The following ZHX2 variants were observed in gnomAD, a reference collection of about 807,000 sequenced individuals.
ZHX2 encodes zinc fingers and homeoboxes 2, also known as zinc fingers and homeoboxes protein 2.
ZHX2 carries 6 observed loss-of-function variants against 21.9 expected under a neutral mutation model. That is an observed-to-expected ratio of 0.27 (90% CI 0.15 to 0.54). ZHX2 has a LOEUF of 0.54. Among genes scored for constraint, ZHX2 ranks in the 20% least tolerant of loss-of-function variants. The pLI is 0.95. For synonymous variants in ZHX2, 434 were observed against 437.1 expected, an observed-to-expected ratio of 0.99 and a Z score of 0.09; for missense variants, 908 against 1,090.7, an observed-to-expected ratio of 0.83 and a Z score of 2.36.
At chr8:122,933,352 A>G (rs1369173153) in intron 2 of ZHX2, among the ~76,000 whole-genome samples, 1 of 152,244 alleles carries the variant, frequency 6.6e-6, no homozygotes, top group Non-Finnish European at 1.5e-5. Context: ...GAGCAGGCTT[A>G]TCTTAAACAT....
rs553723433 is a variant in ZHX2, at chr8:122,938,424, T to C, written c.-219-12868T>C. On this transcript the variant is annotated intron_variant, in intron 2 of 3. Coordinates refer to ENST00000314393, the MANE Select transcript of ZHX2 (RefSeq NM_014943.5). ...GCTAGGAATGTTGGTTTGGTAGATA[T>C]CTGCAAGGACGAGCTCAGATCTTTG... Among the ~76,000 whole-genome samples the C allele has an allele frequency of 2.0e-5, 3 of 152,144 alleles. No individual in the cohort carries two copies. The East Asian group carries it at 5.8e-4, about 30-fold the overall frequency.
intron 2 of ZHX2, among the ~76,000 whole-genome samples, chr8:122,921,081 GT>G (rs2130080852): frequency 6.6e-6 from 1 of 151,822 alleles, no homozygotes; most frequent in South Asian, 2.1e-4. Context: ...TTTTGTTTTT[GT>G]TTTTGTTTTT....
intron 2 of ZHX2, among the ~76,000 whole-genome samples, chr8:122,913,751 G>T (rs764515071): frequency 2.0e-5 from 3 of 152,230 alleles, no homozygotes; most frequent in Non-Finnish European, 2.9e-5. Context: ...CTTGACCACA[G>T]AGCACATGTT....
intron 2 of ZHX2, among the ~76,000 whole-genome samples, chr8:122,942,217 C>T (rs1313890396): frequency 6.6e-6 from 1 of 151,966 alleles, no homozygotes; most frequent in Admixed American, 6.6e-5. Flanking sequence ...AATGCCTTCT[C>T]GGGGGGTGTC....
intron 2 of ZHX2, among the ~76,000 whole-genome samples, chr8:122,890,058 C>T (rs1354772456): frequency 6.6e-6 from 1 of 152,072 alleles, no homozygotes; most frequent in Non-Finnish European, 1.5e-5. Flanking sequence ...AACATTTCTC[C>T]TCTGATTTTT....
At chr8:122,789,476 G>C (rs1007812371) in intron 1 of ZHX2, among the ~76,000 whole-genome samples, 6 of 152,220 alleles carry the variant, frequency 3.9e-5, no homozygotes, top group African/African-American at 1.2e-4. Context: ...ATGGCACCCT[G>C]TCTTTTTGAA....
chr8:122,906,625 G>C (rs1002378014), intron 2 of ZHX2, among the ~76,000 whole-genome samples: 3 of 151,626 alleles, frequency 2.0e-5, no homozygotes, highest in Non-Finnish European at 2.9e-5. Flanking sequence ...GCAGAGATGG[G>C]AGATACTTTT....
intron 2 of ZHX2, among the ~76,000 whole-genome samples, chr8:122,897,714 G>A (rs1485130043): frequency 1.3e-5 from 2 of 152,028 alleles, no homozygotes; most frequent in Admixed American, 6.5e-5. Flanking sequence ...AAGAATGAGA[G>A]TTTCTATTTC....
chr8:122,971,555 T>C (rs1330868809), intron 3 of ZHX2, among the ~76,000 whole-genome samples: 1 of 140,672 alleles, frequency 7.1e-6, no homozygotes, highest in African/African-American at 2.7e-5. Flanking sequence ...GCATTATCGA[T>C]GATCAGCTGA....
intron 1 of ZHX2, among the ~76,000 whole-genome samples, chr8:122,857,675 T>A (rs573279300): frequency 1.3e-5 from 2 of 152,270 alleles, no homozygotes; most frequent in East Asian, 3.9e-4. Context: ...TGAAGAGTCA[T>A]TGTGGGGAAG....
chr8:122,954,469 A>C (rs752293046), intron 3 of ZHX2, among the ~76,000 whole-genome samples: 6 of 152,124 alleles, frequency 3.9e-5, no homozygotes, highest in Non-Finnish European at 7.4e-5. Context: ...CACCACACCC[A>C]ACTAATATTT....
intron 2 of ZHX2, among the ~76,000 whole-genome samples, chr8:122,875,129 T>TTA (rs71310631): frequency 4.9e-4 from 5 of 10,220 alleles, no homozygotes; most frequent in Non-Finnish European, 7.7e-4. Flanking sequence ...GAAAACTCTG[T>TTA]TATATATATA....
chr8:122,819,599 C>T (rs1316457404), intron 1 of ZHX2, among the ~76,000 whole-genome samples: 1 of 152,234 alleles, frequency 6.6e-6, no homozygotes, highest in Non-Finnish European at 1.5e-5. Context: ...TTTCCAGGCA[C>T]TATCCAAGAA....
intron 2 of ZHX2, among the ~76,000 whole-genome samples, chr8:122,938,378 C>T (rs570964095): frequency 1.3e-3 from 194 of 152,224 alleles, no homozygotes; most frequent in African/African-American, 4.5e-3. Context: ...AAGTCTGGGG[C>T]TCTGGAGTGG....
intron 1 of ZHX2, among the ~76,000 whole-genome samples, chr8:122,787,318 A>G (rs1817417113): frequency 6.6e-6 from 1 of 152,206 alleles, no homozygotes; most frequent in Non-Finnish European, 1.5e-5. Flanking sequence ...CCCTAACATT[A>G]GAAACACTTA....
At chr8:122,867,116 G>A (rs1819319631) in intron 2 of ZHX2, among the ~76,000 whole-genome samples, 1 of 152,066 alleles carries the variant, frequency 6.6e-6, no homozygotes. Context: ...TTACAGGCAT[G>A]AGCTACTGCA....
At position 122,952,075 on chromosome 8, in the gene ZHX2, C is replaced by T. The variant is rs1248200584; in HGVS notation, c.565C>T (p.Pro189Ser). The T allele has an allele frequency of 6.2e-7, 1 of 1,613,566 alleles. No homozygotes were observed. Among genetic ancestry groups the T allele is most frequent in the Admixed American group, 1.7e-5 (1 of 59,980 alleles). Residue 189 changes from proline (P) to serine (S), a missense_variant, in exon 3 of 4, where the codon CCT becomes TCT. Pro to Ser is a moderately conservative substitution (Grantham distance 74). This residue lies in a region of ZHX2 where 220 missense variants were observed against 251.4 expected (regional missense o/e 0.88). Transcript: ENST00000314393. The surrounding 1 kb of genome is among the most constrained non-coding windows in gnomAD (Gnocchi z 6.9). ...ISVSKTPIMK[P>S]GKPKADAKKV... Reference sequence around the variant, plus strand: ...GGTGAGTAAAACCCCCATCATGAAGCCTGGAAAACCAAAAGCGGATGCCAA... The same window carrying T: ...GGTGAGTAAAACCCCCATCATGAAGTCTGGAAAACCAAAAGCGGATGCCAA...
chr8:122,859,096 G>A (rs553159732), intron 1 of ZHX2, among the ~76,000 whole-genome samples: 6 of 152,318 alleles, frequency 3.9e-5, no homozygotes, highest in African/African-American at 7.2e-5. Flanking sequence ...CCAAGGTCCC[G>A]GAAGAGAAGT....
intron 2 of ZHX2, among the ~76,000 whole-genome samples, chr8:122,928,101 G>C (rs866820930): frequency 7.2e-5 from 11 of 151,998 alleles, no homozygotes; most frequent in African/African-American, 2.7e-4. Flanking sequence ...TTCTCCACTA[G>C]ACTTAAGCTC....
Sources: allele counts gnomAD v4.1 joint callset (sites outside exome capture counted in the v4.1 genomes callset), GRCh38; gene constraint gnomAD v4.1.1; regional missense constraint gnomAD v4.1.1; non-coding constraint Gnocchi (gnomAD v3.1); transcripts MANE v1.5; gene names NCBI Gene and HGNC (gene_info 2026-07-23, HGNC 2026-07-21).